LUZP2: variants seen among roughly 807,000 people sequenced by gnomAD.
LUZP2 encodes the protein leucine zipper protein 2.
A neutral mutation model predicts 51.6 loss-of-function variants in LUZP2; 52 were observed. The observed-to-expected ratio is 1.01, with a 90% CI of 0.81 to 1.27. The LOEUF (loss-of-function observed/expected upper bound fraction) is 1.27. LUZP2 is among the 50% of genes most tolerant of loss of function. The pLI is 0.00. For missense variants in LUZP2, 436 were observed against 395.4 expected, an observed-to-expected ratio of 1.10 and a Z score of -0.87; for synonymous variants, 154 against 137.3, an observed-to-expected ratio of 1.12 and a Z score of -0.85.
intron 1 of LUZP2, among the ~76,000 whole-genome samples, chr11:24,628,096 G>C (rs1565039220): frequency 6.6e-6 from 1 of 152,018 alleles, no homozygotes; most frequent in Non-Finnish European, 1.5e-5. Context: ...GGAAGGAGCA[G>C]GGTTGCATGG....
At position 24,932,161 on chromosome 11, in the gene LUZP2, A is replaced by T. The variant is rs555383935; in HGVS notation, c.522+17623A>T. Among the ~76,000 whole-genome samples the T allele has an allele frequency of 7.2e-4, 110 of 152,356 alleles. 2 individuals are homozygous for T. Among genetic ancestry groups the T allele is most frequent in the Middle Eastern group, 3.4e-3 (1 of 294 alleles). On this transcript the variant is annotated intron_variant, in intron 7 of 11. Coordinates refer to ENST00000336930, the MANE Select transcript of LUZP2 (RefSeq NM_001009909.4). ...CAGCACCTTCTCCAATGGAGGTAGC[A>T]GTGAAGAGAAGTGGATTCTGTGAGG...
In LUZP2 at chr11:25,081,371, A is replaced by G. The variant is rs1859455368; in HGVS notation, c.*2713A>G. ...TTTTCCTTTAAATATATATGGCATT[A>G]TACATCCAGCAAAGTTTACTGTGTT... On this transcript the variant is annotated 3_prime_UTR_variant, in exon 12 of 12. Transcript: ENST00000336930. 6.6e-6 allele frequency: 1 copy of G among 151,634 alleles called. No homozygotes were observed. The highest frequency in any genetic ancestry group is 1.5e-5 in the Non-Finnish European group (1 of 67,928). The allele number at this position is 151,634 out of a possible 1,614,324, so 9.4% of individuals were successfully genotyped here. A position where few individuals can be genotyped will look rare whatever the true frequency, so the allele number is the denominator to read the frequency against.
At chr11:24,683,323 T>C (rs7121179) in intron 1 of LUZP2, among the ~76,000 whole-genome samples, 1,729 of 152,300 alleles carry the variant, frequency 0.011, 33 homozygotes, top group African/African-American at 0.04. Context: ...ACGATTCTTG[T>C]CACATATCAG....
chr11:24,865,416 C>A (rs138932060), intron 5 of LUZP2, among the ~76,000 whole-genome samples: 8 of 152,212 alleles, frequency 5.3e-5, no homozygotes, highest in African/African-American at 1.9e-4. Context: ...GGTTAATTTG[C>A]CTATGGCAAA....
intron 1 of LUZP2, among the ~76,000 whole-genome samples, chr11:24,639,924 A>G (rs1158789953): frequency 6.6e-6 from 1 of 151,876 alleles, no homozygotes; most frequent in Non-Finnish European, 1.5e-5. Context: ...GGAGCACAAG[A>G]GTTCAATTCC....
rs75828040 is a variant in LUZP2 at position 24,541,945 on chromosome 11, G to A, written c.62+44640G>A. On this transcript the variant is annotated intron_variant, in intron 1 of 11. Coordinates refer to ENST00000336930, the MANE Select transcript of LUZP2 (RefSeq NM_001009909.4). ...CACCTGTTAGTTTGTTGCCATAATAGGAAGTTCTGTTATTTATAATCACAT... is the reference window on the plus strand; with the variant it reads ...CACCTGTTAGTTTGTTGCCATAATAAGAAGTTCTGTTATTTATAATCACAT... Among the ~76,000 whole-genome samples the A allele has an allele frequency of 7.9e-4, 120 of 151,470 alleles. 1 individual carries two copies. In the South Asian group the frequency reaches 0.02, roughly 26 times the overall value.
intron 10 of LUZP2, among the ~76,000 whole-genome samples, chr11:25,066,569 C>A (rs963429118): frequency 2.0e-5 from 3 of 151,880 alleles, no homozygotes; most frequent in Middle Eastern, 3.2e-3. Context: ...TGTTATTTAG[C>A]TAAATTCATG....
intron 1 of LUZP2, among the ~76,000 whole-genome samples, chr11:24,638,248 A>T (rs1855169175): frequency 6.6e-6 from 1 of 151,856 alleles, no homozygotes; most frequent in Non-Finnish European, 1.5e-5. Flanking sequence ...GACTTTCTTT[A>T]AAATTGTCAA....
At chr11:24,800,690 A>T (rs1054848265) in intron 5 of LUZP2, among the ~76,000 whole-genome samples, 14 of 151,970 alleles carry the variant, frequency 9.2e-5, no homozygotes, top group South Asian at 2.1e-4. Flanking sequence ...GCTGGACAAA[A>T]TTTTTTCTCT....
intron 4 of LUZP2, among the ~76,000 whole-genome samples, chr11:24,753,591 G>T (rs1225801527): frequency 6.6e-6 from 1 of 152,106 alleles, no homozygotes; most frequent in Non-Finnish European, 1.5e-5. Context: ...CAGATACAAC[G>T]CTCATTCCCA....
intron 7 of LUZP2, among the ~76,000 whole-genome samples, chr11:24,949,328 CTA>C (rs1565147962): frequency 0.042 from 1,570 of 37,754 alleles, 16 homozygotes; most frequent in Middle Eastern, 0.16. Flanking sequence ...ATCTATCTAT[CTA>C]TCTCTCTATC....
At chr11:25,023,038 G>A (rs1387834872) in intron 9 of LUZP2, among the ~76,000 whole-genome samples, 1 of 152,136 alleles carries the variant, frequency 6.6e-6, no homozygotes, top group African/African-American at 2.4e-5. Flanking sequence ...ATATGCTGCT[G>A]GATTCGGTTT....
chr11:25,064,722 A>G (rs139338873), intron 10 of LUZP2, among the ~76,000 whole-genome samples: 23 of 152,054 alleles, frequency 1.5e-4, no homozygotes, highest in African/African-American at 5.5e-4. Flanking sequence ...CTGTCTCTCA[A>G]TTTAAGACAT....
chr11:24,837,902 C>G (rs952756016), intron 5 of LUZP2, among the ~76,000 whole-genome samples: 3 of 151,646 alleles, frequency 2.0e-5, no homozygotes, highest in African/African-American at 7.2e-5. Flanking sequence ...TGAATAGAAA[C>G]CTGACTTCTC....
chr11:24,674,666 A>G (rs1232792780), intron 1 of LUZP2, among the ~76,000 whole-genome samples: 1 of 152,072 alleles, frequency 6.6e-6, no homozygotes, highest in Non-Finnish European at 1.5e-5. Context: ...ATTCCCCTGT[A>G]TTCCTAAACA....
Position 24,539,008 on chromosome 11 carries a change from A to G in LUZP2, c.62+41703A>G, listed in dbSNP as rs73429202. Among the ~76,000 whole-genome samples, 422 of 152,028 alleles carry G rather than the reference A, an allele frequency of 2.8e-3. 3 individuals carry two copies. Among genetic ancestry groups the G allele is most frequent in the African/African-American group, 9.8e-3 (407 of 41,554 alleles). ...TAGACATATAGACAGGCACTTACCC[A>G]CAATATCCAGAAGTATATGCCGTAG... On this transcript the variant is annotated intron_variant, in intron 1 of 11. Transcript: ENST00000336930.
At chr11:24,696,854 G>A (rs969700008) in intron 1 of LUZP2, among the ~76,000 whole-genome samples, 2 of 151,980 alleles carry the variant, frequency 1.3e-5, no homozygotes, top group African/African-American at 2.4e-5. Flanking sequence ...TGATCTCTTT[G>A]ATGAGATAAT....
chr11:24,928,457 A>G (rs1267879252), intron 7 of LUZP2, among the ~76,000 whole-genome samples: 6 of 151,912 alleles, frequency 3.9e-5, no homozygotes, highest in African/African-American at 1.2e-4. Flanking sequence ...GATTTTGTCA[A>G]ATGTTTTTTT....
intron 6 of LUZP2, among the ~76,000 whole-genome samples, chr11:24,908,388 T>C (rs1216786696): frequency 2.6e-5 from 4 of 152,198 alleles, no homozygotes; most frequent in African/African-American, 9.6e-5. Context: ...ATAAAAAAGC[T>C]GAGCTAAAAT....
Sources: gnomAD v4.1 joint callset for allele counts (sites outside exome capture counted in the v4.1 genomes callset) on GRCh38, gnomAD v4.1.1 for gene constraint, MANE v1.5 for transcripts, NCBI Gene and HGNC (gene_info 2026-07-23, HGNC 2026-07-21) for gene names.